The following GRM5 variants were observed in gnomAD, a reference collection of about 807,000 sequenced individuals.
The protein encoded by GRM5 is metabotropic glutamate receptor 5.
In GRM5, 19 loss-of-function variants were observed where a neutral mutation model predicts 83.1. That is an observed-to-expected ratio of 0.23 (90% CI 0.16 to 0.34). GRM5 has a LOEUF of 0.34. Ranked by LOEUF, GRM5 falls within the 10% of genes least tolerant of loss-of-function variation. GRM5 has a pLI of 1.00. For synonymous variants in GRM5, 675 were observed against 633.6 expected (o/e 1.07, Z -0.98); for missense variants, 1,160 against 1,588.3 (o/e 0.73, Z 4.58).
chr11:88,795,143 T>A (rs192009812), intron 3 of GRM5, among the ~76,000 whole-genome samples: 113 of 151,410 alleles, frequency 7.5e-4, no homozygotes, highest in Non-Finnish European at 1.4e-3. Context: ...TTGAGAGGGA[T>A]TGAGATCTCC....
chr11:88,510,438 A>T (rs1244544914), intron 9 of GRM5, among the ~76,000 whole-genome samples: 1 of 152,240 alleles, frequency 6.6e-6, no homozygotes, highest in Non-Finnish European at 1.5e-5. Flanking sequence ...AAGCTGACAC[A>T]ATAGCTTCTG....
intron 1 of GRM5, among the ~76,000 whole-genome samples, chr11:89,064,886 CTCTG>C (rs1441246606): frequency 4.8e-3 from 345 of 72,248 alleles, no homozygotes; most frequent in African/African-American, 5.4e-3. Flanking sequence ...CTCTCTCTCT[CTCTG>C]TGTGTGTGTG....
At chr11:88,811,998 C>T (rs139280939) in intron 3 of GRM5, among the ~76,000 whole-genome samples, 77 of 152,230 alleles carry the variant, frequency 5.1e-4, no homozygotes, top group African/African-American at 1.8e-3. Flanking sequence ...AACGAGTACA[C>T]TTTGGGCCAC....
intron 2 of GRM5, among the ~76,000 whole-genome samples, chr11:88,863,180 A>G (rs996472336): frequency 3.3e-4 from 50 of 152,170 alleles, no homozygotes; most frequent in African/African-American, 1.2e-3. Context: ...AAATTATTTC[A>G]ACCATTGTAG....
intron 2 of GRM5, among the ~76,000 whole-genome samples, chr11:88,973,976 C>T (rs1238927098): frequency 1.3e-5 from 2 of 152,082 alleles, no homozygotes; most frequent in African/African-American, 4.8e-5. Flanking sequence ...GGAAGATCAA[C>T]ACTTTCTAGA....
At chr11:88,556,754 G>A (rs1229644323) in intron 8 of GRM5, among the ~76,000 whole-genome samples, 1 of 152,084 alleles carries the variant, frequency 6.6e-6, no homozygotes, top group African/African-American at 2.4e-5. Context: ...GCTTATAAAT[G>A]TCAAAGTCAG....
rs1454882277 is a variant in GRM5, at chr11:88,737,348, T to C, written c.912-83945A>G. Among the ~76,000 whole-genome samples, 4 of 151,930 alleles carry C rather than the reference T, an allele frequency of 2.6e-5. No individual in the cohort carries two copies. In the East Asian group the frequency reaches 7.8e-4, roughly 30 times the overall value. On this transcript the variant is annotated intron_variant, in intron 3 of 9. Transcript: ENST00000305447. ...ACAGCTATGTTGAAGTCAAGAAGAG[T>C]GTTTTTTCTCTGGGAGGCTTGGTGC...
intron 2 of GRM5, among the ~76,000 whole-genome samples, chr11:88,895,368 T>A (rs11606790): frequency 0.09 from 13,746 of 152,000 alleles, 873 homozygotes; most frequent in Non-Finnish European, 0.14. Flanking sequence ...AAGTTGGAAT[T>A]TTTAACCTCA....
chr11:88,917,850 G>C (rs532888125), intron 2 of GRM5, among the ~76,000 whole-genome samples: 4 of 152,014 alleles, frequency 2.6e-5, no homozygotes, highest in Admixed American at 6.6e-5. Context: ...AGCATGAAAA[G>C]GGAAAATCTA....
intron 2 of GRM5, among the ~76,000 whole-genome samples, chr11:88,975,807 G>C (rs1168903881): frequency 6.6e-6 from 1 of 152,174 alleles, no homozygotes. Context: ...ATACTATGAG[G>C]TAAAAAATTA....
intron 2 of GRM5, among the ~76,000 whole-genome samples, chr11:88,988,320 A>G (rs1939813740): frequency 6.6e-6 from 1 of 150,742 alleles, no homozygotes; most frequent in Non-Finnish European, 1.5e-5. Flanking sequence ...AAAAAGAATA[A>G]AAAGAAATGA....
chr11:88,784,543 C>A (rs1388889391), intron 3 of GRM5, among the ~76,000 whole-genome samples: 1 of 150,854 alleles, frequency 6.6e-6, no homozygotes, highest in Non-Finnish European at 1.5e-5. Context: ...AAGTAAAGGA[C>A]CTGATGTTGA....
intron 3 of GRM5, among the ~76,000 whole-genome samples, chr11:88,811,396 G>T (rs1943586365): frequency 6.6e-6 from 1 of 152,068 alleles, no homozygotes; most frequent in Non-Finnish European, 1.5e-5. Context: ...AACTCAGTTT[G>T]AATATTTTAT....
chr11:88,876,082 T>A (rs1405700846), intron 2 of GRM5, among the ~76,000 whole-genome samples: 1 of 152,098 alleles, frequency 6.6e-6, no homozygotes, highest in Non-Finnish European at 1.5e-5. Context: ...AGGATGGAAG[T>A]CTTAGATAGC....
At chr11:88,707,571 T>G (rs1941191511) in intron 3 of GRM5, among the ~76,000 whole-genome samples, 1 of 152,076 alleles carries the variant, frequency 6.6e-6, no homozygotes, top group Non-Finnish European at 1.5e-5. Context: ...TAATTTAAAG[T>G]AGACAGGAGG....
rs552942978 is a variant in GRM5, at chr11:88,911,180, G to A, written c.662-61025C>T. 1.3e-3 allele frequency among the ~76,000 whole-genome samples: 193 copies of A among 152,100 alleles called. 1 individual carries two copies. The highest frequency in any genetic ancestry group is 4.5e-3 in the African/African-American group (186 of 41,524). Reference sequence around the variant, plus strand: ...AGAACATCTAAAAACAATAAAAAAAGGGACTAGTCCCCACTGTATATAAAG... The same window carrying A: ...AGAACATCTAAAAACAATAAAAAAAAGGACTAGTCCCCACTGTATATAAAG... On this transcript the variant is annotated intron_variant, in intron 2 of 9. Transcript: ENST00000305447.
At chr11:88,524,601 C>T (rs1171854491) in intron 9 of GRM5, among the ~76,000 whole-genome samples, 1 of 152,228 alleles carries the variant, frequency 6.6e-6, no homozygotes, top group African/African-American at 2.4e-5. Context: ...GCTTATACTT[C>T]CAAATACTCC....
At chr11:88,783,201 A>C (rs1202666701) in intron 3 of GRM5, among the ~76,000 whole-genome samples, 1 of 152,150 alleles carries the variant, frequency 6.6e-6, no homozygotes, top group African/African-American at 2.4e-5. Flanking sequence ...CCCCTCTTAC[A>C]GTAATTTTGG....
chr11:88,682,125 T>C (rs1940511353), intron 3 of GRM5, among the ~76,000 whole-genome samples: 1 of 152,210 alleles, frequency 6.6e-6, no homozygotes, highest in East Asian at 1.9e-4. Context: ...AGTCAGGGCC[T>C]CCAATAGATA....
Sources: allele counts gnomAD v4.1 joint callset (sites outside exome capture counted in the v4.1 genomes callset), GRCh38; gene constraint gnomAD v4.1.1; transcripts MANE v1.5; gene names NCBI Gene and HGNC (gene_info 2026-07-23, HGNC 2026-07-21).